Variants in PPP1R12B observed in about 807,000 individuals in gnomAD.
PPP1R12B encodes the protein protein phosphatase 1 regulatory subunit 12B, also known as myosin phosphatase target subunit 2.
PPP1R12B carries 76 observed loss-of-function variants against 126.1 expected under a neutral mutation model. The ratio of observed to expected loss-of-function variants is 0.60; its 90% CI spans 0.50 to 0.73. PPP1R12B has a LOEUF of 0.73. PPP1R12B is among the 30% of genes least tolerant of loss of function. PPP1R12B has a pLI of 0.00. For synonymous variants in PPP1R12B, 356 were observed against 434.7 expected, an observed-to-expected ratio of 0.82 and a Z score of 2.25; for missense variants, 1,052 against 1,205.1, an observed-to-expected ratio of 0.87 and a Z score of 1.88.
chr1:202,534,447 A>G (rs1361342529), intron 18 of PPP1R12B, among the ~76,000 whole-genome samples: 1 of 152,228 alleles, frequency 6.6e-6, no homozygotes, highest in African/African-American at 2.4e-5. Context: ...GCTAGGAAAG[A>G]CATACATATG....
At position 202,431,633 on chromosome 1, in the gene PPP1R12B, G is replaced by A; in HGVS notation, c.1141+14G>A. On this transcript the variant is annotated intron_variant, in intron 8 of 23. Transcript: ENST00000608999. ...AGAAGGAGGCAGGTAATGCAAAGAT[G>A]TTCATAGTGAAGATCCTCTATCTCC... The A allele has an allele frequency of 6.3e-7, 1 of 1,599,844 alleles. No homozygotes were observed.
chr1:202,487,171 G>GA (rs1416481845), intron 13 of PPP1R12B, among the ~76,000 whole-genome samples: 1 of 151,918 alleles, frequency 6.6e-6, no homozygotes. Context: ...CTTCCTGACA[G>GA]AAAAAAGGAG....
chr1:202,394,005 C>T (rs563174731), intron 1 of PPP1R12B, among the ~76,000 whole-genome samples: 82 of 152,322 alleles, frequency 5.4e-4, no homozygotes, highest in African/African-American at 1.9e-3. Flanking sequence ...GAAAAACTCA[C>T]TGAAGTACAT....
chr1:202,572,960 A>G (rs1688748656), intron 23 of PPP1R12B, among the ~76,000 whole-genome samples: 1 of 152,022 alleles, frequency 6.6e-6, no homozygotes, highest in Non-Finnish European at 1.5e-5. Context: ...TAACTTCCAA[A>G]TTCTTTCACC....
At chr1:202,533,582 G>A (rs895187493) in intron 18 of PPP1R12B, among the ~76,000 whole-genome samples, 9 of 152,148 alleles carry the variant, frequency 5.9e-5, no homozygotes, top group Non-Finnish European at 1.3e-4. Context: ...GCCTCCCAAA[G>A]TGCTGAGATT....
At chr1:202,487,996 T>C (rs1678380998) in intron 13 of PPP1R12B, among the ~76,000 whole-genome samples, 1 of 152,344 alleles carries the variant, frequency 6.6e-6, no homozygotes, top group Middle Eastern at 3.4e-3. Context: ...ATATCTACAC[T>C]GAAGTTTAAT....
chr1:202,371,116 T>C (rs1293844983), intron 1 of PPP1R12B, among the ~76,000 whole-genome samples: 18 of 150,230 alleles, frequency 1.2e-4, no homozygotes, highest in Admixed American at 1.1e-3. Flanking sequence ...TCCAGGCTCA[T>C]GCCTTTCTGC....
rs56164548 is a variant in PPP1R12B, at chr1:202,420,967, C to CTTTTTTTTTTTTTTTT, written c.423-1647_423-1632dup. Among the ~76,000 whole-genome samples, 53 of 118,552 alleles carry CTTTTTTTTTTTTTTTT rather than the reference C, an allele frequency of 4.5e-4. 1 individual carries two copies. The highest frequency in any genetic ancestry group is 1.6e-3 in the African/African-American group (46 of 29,492). 77.8% of individuals were successfully genotyped at this position (118,552 alleles called of 152,430 possible). A position where few individuals can be genotyped will look rare whatever the true frequency, so the allele number is the denominator to read the frequency against. ...CTATTGATTCTTTTCCCTCTGCCAA[C>CTTTTTTTTTTTTTTTT]TTTTTTTTTTTTTTTTTTTTTGAGA... On this transcript the variant is annotated intron_variant, in intron 2 of 23. Transcript: ENST00000608999.
At chr1:202,415,198 G>A (rs1237283581) in intron 1 of PPP1R12B, among the ~76,000 whole-genome samples, 1 of 152,086 alleles carries the variant, frequency 6.6e-6, no homozygotes, top group Non-Finnish European at 1.5e-5. Flanking sequence ...CTTCTTCAAG[G>A]TTATTCTTAA....
chr1:202,401,149 A>G (rs953190200), intron 1 of PPP1R12B, among the ~76,000 whole-genome samples: 12 of 152,032 alleles, frequency 7.9e-5, no homozygotes, highest in Non-Finnish European at 1.3e-4. Context: ...GCAAGAGACT[A>G]TGATCTGCAA....
chr1:202,435,680 T>A (rs546292999), intron 9 of PPP1R12B, among the ~76,000 whole-genome samples: 93 of 152,296 alleles, frequency 6.1e-4, no homozygotes, highest in African/African-American at 2.0e-3. Flanking sequence ...AAGAATTGAT[T>A]TGAGTTCTTT....
At chr1:202,492,466 C>A (rs989563638) in intron 14 of PPP1R12B, among the ~76,000 whole-genome samples, 2 of 152,184 alleles carry the variant, frequency 1.3e-5, no homozygotes, top group Non-Finnish European at 2.9e-5. Flanking sequence ...TCAGCTCATG[C>A]TCTTTCTAAA....
chr1:202,484,919 C>T (rs1193692298), intron 13 of PPP1R12B, among the ~76,000 whole-genome samples: 1 of 152,126 alleles, frequency 6.6e-6, no homozygotes, highest in Non-Finnish European at 1.5e-5. Flanking sequence ...GCCACACAAC[C>T]CTGCAGTGGT....
At position 202,496,823 on chromosome 1, in the gene PPP1R12B, G is replaced by A; in HGVS notation, c.2490+1G>A. The A allele has an allele frequency of 6.2e-7, 1 of 1,610,910 alleles. No homozygotes were observed. Among genetic ancestry groups the A allele is most frequent in the Non-Finnish European group, 8.5e-7 (1 of 1,177,304 alleles). ...CTCTGAAGAGGTCAAAGAAACGTGG[G>A]TAAGTGACAAGCCAGTGAAGCATGT... is the stretch of plus-strand genomic sequence containing the variant. On this transcript the variant is annotated splice_donor_variant, in intron 18 of 23. Transcript: ENST00000608999. LOFTEE classifies it high-confidence loss of function.
chr1:202,545,874 A>G (rs1224790271), intron 18 of PPP1R12B, among the ~76,000 whole-genome samples: 1 of 152,226 alleles, frequency 6.6e-6, no homozygotes, highest in Non-Finnish European at 1.5e-5. Context: ...TGGCTAGAAC[A>G]AAAGATATAT....
rs552734262 is a variant in PPP1R12B, at chr1:202,367,153, A to G, written c.291+18011A>G. Among the ~76,000 whole-genome samples, 9 of 152,374 alleles carry G rather than the reference A, an allele frequency of 5.9e-5. No homozygotes were observed. The South Asian group carries it at 6.2e-4, about 11-fold the overall frequency. On this transcript the variant is annotated intron_variant, in intron 1 of 23. Coordinates refer to ENST00000608999, the MANE Select transcript of PPP1R12B (RefSeq NM_002481.4). ...TTACACTACTTATAAGCCATTTTAG[A>G]ACAATAAATGATTGGGAAGATCTGA...
Position 202,541,449 on chromosome 1 carries a change from A to AGT in PPP1R12B, c.2491-17425_2491-17424dup, listed in dbSNP as rs527392460. ...TATGTTACTGTCATCGAGTTCCAGG[A>AGT]GTGTCTCTTCAACACATAGACTGGT... On this transcript the variant is annotated intron_variant, in intron 18 of 23. Transcript: ENST00000608999. Among the ~76,000 whole-genome samples, 3 of 152,314 alleles carry AGT rather than the reference A, an allele frequency of 2.0e-5. No homozygotes were observed. The South Asian group carries it at 6.2e-4, about 32-fold the overall frequency.
chr1:202,537,037 T>G (rs1334846675), intron 18 of PPP1R12B, among the ~76,000 whole-genome samples: 1 of 152,142 alleles, frequency 6.6e-6, no homozygotes, highest in Non-Finnish European at 1.5e-5. Context: ...AAATAATGAT[T>G]TAAAATATAG....
intron 1 of PPP1R12B, among the ~76,000 whole-genome samples, chr1:202,374,202 A>G (rs1363053078): frequency 1.3e-5 from 2 of 152,108 alleles, no homozygotes; most frequent in Non-Finnish European, 2.9e-5. Flanking sequence ...AACATATTTT[A>G]TATGAACTGC....
Sources: gnomAD v4.1 joint callset for allele counts (sites outside exome capture counted in the v4.1 genomes callset) on GRCh38, gnomAD v4.1.1 for gene constraint, MANE v1.5 for transcripts, NCBI Gene and HGNC (gene_info 2026-07-23, HGNC 2026-07-21) for gene names.